Variants in PCCA observed in about 807,000 individuals in gnomAD.
PCCA encodes propionyl-CoA carboxylase subunit alpha, also known as propionyl-CoA carboxylase alpha chain, mitochondrial.
PCCA carries 74 observed loss-of-function variants against 101.3 expected under a neutral mutation model. The observed-to-expected ratio is 0.73, with a 90% CI of 0.61 to 0.89. The LOEUF (loss-of-function observed/expected upper bound fraction) is 0.89. Ranked by LOEUF, PCCA falls within the 40% of genes least tolerant of loss-of-function variation. The pLI is 0.00. For synonymous variants in PCCA, 294 were observed against 313.6 expected (o/e 0.94, Z 0.66); for missense variants, 891 against 907.0 (o/e 0.98, Z 0.23).
rs139582331 is a variant in PCCA, at chr13:100,524,609, C to T, written c.2041-3066C>T. ...AATCTAGGCTGGGCACAGTGGCACACATCTGTAACCCCAGCACTTTGGGAG... is the reference window on the plus strand; with the variant it reads ...AATCTAGGCTGGGCACAGTGGCACATATCTGTAACCCCAGCACTTTGGGAG... On this transcript the variant is annotated intron_variant, in intron 22 of 23. Transcript: ENST00000376285. Among the ~76,000 whole-genome samples, 523 of 152,300 alleles carry T rather than the reference C, an allele frequency of 3.4e-3. 16 individuals are homozygous for T. In the East Asian group the frequency reaches 0.071, roughly 21 times the overall value.
At chr13:100,352,800 C>T (rs1400839766) in intron 18 of PCCA, among the ~76,000 whole-genome samples, 2 of 152,070 alleles carry the variant, frequency 1.3e-5, no homozygotes, top group East Asian at 3.9e-4. Flanking sequence ...TTCCTGAGCT[C>T]ATGTGATCCT....
In PCCA at chr13:100,249,124, A is replaced by G. The variant is rs185714091; in HGVS notation, c.638-8471A>G. Among the ~76,000 whole-genome samples, 539 of 152,282 alleles carry G rather than the reference A, an allele frequency of 3.5e-3. 1 individual carries two copies. Among genetic ancestry groups the G allele is most frequent in the Middle Eastern group, 0.017 (5 of 294 alleles). ...TATTTTAATGAAGTTAAATGTGCCA[A>G]TTTTTAATGGTTTGTGCTTTTGGTG... On this transcript the variant is annotated intron_variant, in intron 8 of 23. Coordinates refer to ENST00000376285, the MANE Select transcript of PCCA (RefSeq NM_000282.4).
intron 19 of PCCA, among the ~76,000 whole-genome samples, chr13:100,407,900 C>G (rs939750761): frequency 2.6e-5 from 4 of 152,060 alleles, no homozygotes; most frequent in African/African-American, 9.7e-5. Context: ...CCTGTAATTC[C>G]AGCACTTTGG....
intron 21 of PCCA, chr13:100,473,383 C>T (rs1238289210): frequency 6.6e-6 from 1 of 152,226 alleles, no homozygotes; most frequent in Non-Finnish European, 1.5e-5. Flanking sequence ...GGGTGGCACT[C>T]AGGCCACTTT....
At chr13:100,190,709 G>T (rs1278944229) in intron 6 of PCCA, among the ~76,000 whole-genome samples, 2 of 151,766 alleles carry the variant, frequency 1.3e-5, no homozygotes, top group Non-Finnish European at 2.9e-5. Flanking sequence ...TGCCTGTTAT[G>T]CTAGCACTTT....
chr13:100,458,833 T>C (rs1467854460), intron 21 of PCCA, among the ~76,000 whole-genome samples: 1 of 152,286 alleles, frequency 6.6e-6, no homozygotes, highest in East Asian at 1.9e-4. Flanking sequence ...TCTATCCGTT[T>C]TATTACTCTG....
chr13:100,108,570 CACGGCCTTT>C (rs2048022380), intron 2 of PCCA, among the ~76,000 whole-genome samples: 1 of 152,158 alleles, frequency 6.6e-6, no homozygotes, highest in Non-Finnish European at 1.5e-5. Context: ...CTTCCAGTGT[CACGGCCTTT>C]ACACATGCTG....
chr13:100,333,809 A>G (rs1028996153), intron 17 of PCCA, among the ~76,000 whole-genome samples: 1 of 152,232 alleles, frequency 6.6e-6, no homozygotes, highest in Non-Finnish European at 1.5e-5. Context: ...CAAAAAGTAT[A>G]TAATTAATTA....
At chr13:100,100,067 G>T (rs1327510740) in intron 1 of PCCA, among the ~76,000 whole-genome samples, 1 of 151,950 alleles carries the variant, frequency 6.6e-6, no homozygotes, top group Non-Finnish European at 1.5e-5. Context: ...ACATTTTTTG[G>T]CACTTTACTG....
intron 18 of PCCA, among the ~76,000 whole-genome samples, chr13:100,367,198 A>ATTT (rs1201040126): frequency 1.3e-5 from 2 of 152,220 alleles, no homozygotes; most frequent in East Asian, 3.8e-4. Context: ...CGTGGGAAAC[A>ATTT]TTTATATTCT....
intron 21 of PCCA, among the ~76,000 whole-genome samples, chr13:100,512,774 G>A (rs2086576957): frequency 6.6e-6 from 1 of 152,158 alleles, no homozygotes; most frequent in South Asian, 2.1e-4. Flanking sequence ...TTATCTTCTT[G>A]AAAACAACCA....
intron 19 of PCCA, among the ~76,000 whole-genome samples, chr13:100,423,967 G>A (rs1048215793): frequency 1.3e-5 from 2 of 152,190 alleles, no homozygotes; most frequent in African/African-American, 4.8e-5. Context: ...AAAGCCTTGA[G>A]GAGGCTTCTC....
chr13:100,442,519 G>A lies in PCCA; in HGVS notation c.1846-6733G>A, dbSNP rs183991973. On this transcript the variant is annotated intron_variant, in intron 20 of 23. Transcript: ENST00000376285. Reference sequence around the variant, plus strand: ...AAATTACTTCTATTTGCCTGGGAATGAATCTAACCTTTGTAGTGTCAGCCA... The same window carrying A: ...AAATTACTTCTATTTGCCTGGGAATAAATCTAACCTTTGTAGTGTCAGCCA... Among the ~76,000 whole-genome samples the A allele has an allele frequency of 2.6e-3, 396 of 152,290 alleles. 1 individual carries two copies. The highest frequency in any genetic ancestry group is 4.3e-3 in the Non-Finnish European group (291 of 68,036).
intron 10 of PCCA, among the ~76,000 whole-genome samples, chr13:100,265,579 C>G (rs905450254): frequency 1.3e-5 from 2 of 152,264 alleles, no homozygotes; most frequent in South Asian, 2.1e-4. Flanking sequence ...CGCCTACACC[C>G]ACCCACTCCC....
intron 19 of PCCA, among the ~76,000 whole-genome samples, chr13:100,374,471 A>G (rs947765760): frequency 6.6e-6 from 1 of 152,092 alleles, no homozygotes; most frequent in African/African-American, 2.4e-5. Flanking sequence ...AACTGGTCAA[A>G]ATAGTTTTTG....
chr13:100,401,695 T>C (rs1036764651), intron 19 of PCCA, among the ~76,000 whole-genome samples: 15 of 152,204 alleles, frequency 9.9e-5, no homozygotes, highest in African/African-American at 3.6e-4. Flanking sequence ...ATGTTCTGTG[T>C]ACAATTTCTG....
intron 17 of PCCA, among the ~76,000 whole-genome samples, chr13:100,332,768 A>G (rs1249429287): frequency 6.6e-6 from 1 of 152,166 alleles, no homozygotes; most frequent in Non-Finnish European, 1.5e-5. Context: ...CTTTTTTTGT[A>G]AGGAATTAAC....
At position 100,388,280 on chromosome 13, in the gene PCCA, GC is replaced by G. The variant is rs142927538; in HGVS notation, c.1746+19707del. On this transcript the variant is annotated intron_variant, in intron 19 of 23. Coordinates refer to ENST00000376285, the MANE Select transcript of PCCA (RefSeq NM_000282.4). ...GCCTGGGAGTTGGAGACCAGCCTGG[GC>G]AACATAGTGAGACCCTGTCTCTACA... Among the ~76,000 whole-genome samples, 467 of 151,998 alleles carry G rather than the reference GC, an allele frequency of 3.1e-3. 3 individuals carry two copies. Among genetic ancestry groups the G allele is most frequent in the African/African-American group, 0.01 (430 of 41,452 alleles).
At chr13:100,264,541 A>T (rs188681777) in intron 10 of PCCA, among the ~76,000 whole-genome samples, 3 of 152,160 alleles carry the variant, frequency 2.0e-5, no homozygotes, top group African/African-American at 7.2e-5. Context: ...TATCTTTGAG[A>T]TTCTTCCCTG....
Sources: allele counts gnomAD v4.1 joint callset (sites outside exome capture counted in the v4.1 genomes callset), GRCh38; gene constraint gnomAD v4.1.1; transcripts MANE v1.5; gene names NCBI Gene and HGNC (gene_info 2026-07-23, HGNC 2026-07-21).